ARHGEF18: variants seen among roughly 807,000 people sequenced by gnomAD.
The protein encoded by ARHGEF18 is Rho/Rac guanine nucleotide exchange factor 18, also known as rho guanine nucleotide exchange factor 18.
ARHGEF18 carries 93 observed loss-of-function variants against 155.7 expected under a neutral mutation model. The ratio of observed to expected loss-of-function variants is 0.60; its 90% CI spans 0.50 to 0.71. The LOEUF is 0.71. Among genes scored for constraint, ARHGEF18 ranks in the 30% least tolerant of loss-of-function variants. The pLI, the probability that ARHGEF18 is intolerant of heterozygous loss-of-function variation, is 0.00. For synonymous variants in ARHGEF18, 742 were observed against 753.1 expected, an observed-to-expected ratio of 0.99 and a Z score of 0.24; for missense variants, 1,593 against 1,816.1, an observed-to-expected ratio of 0.88 and a Z score of 2.23.
At chr19:7,381,940 G>A (rs1233047346) in intron 8 of ARHGEF18, among the ~76,000 whole-genome samples, 1 of 152,162 alleles carries the variant, frequency 6.6e-6, no homozygotes, top group East Asian at 1.9e-4. Flanking sequence ...GCACAGACTG[G>A]AGGAATGGCG....
intron 16 of ARHGEF18, among the ~76,000 whole-genome samples, chr19:7,452,704 G>A (rs945250283): frequency 4.0e-5 from 6 of 151,764 alleles, no homozygotes; most frequent in African/African-American, 1.2e-4. Flanking sequence ...GACCTCAGGT[G>A]ATCTGCCCGC....
intron 10 of ARHGEF18, among the ~76,000 whole-genome samples, chr19:7,384,695 T>TAA (rs1568284735): frequency 1.3e-4 from 19 of 148,622 alleles, no homozygotes; most frequent in African/African-American, 4.7e-4. Flanking sequence ...TTGCAAAATT[T>TAA]TTTTTTTTTT....
chr19:7,351,937 C>T (rs949060647), intron 1 of ARHGEF18, among the ~76,000 whole-genome samples: 1 of 151,930 alleles, frequency 6.6e-6, no homozygotes, highest in African/African-American at 2.4e-5. Flanking sequence ...TCAGGTGATC[C>T]ACCTGCCTTG....
chr19:7,424,273 G>A (rs1314135384), intron 10 of ARHGEF18, among the ~76,000 whole-genome samples: 1 of 152,090 alleles, frequency 6.6e-6, no homozygotes, highest in Admixed American at 6.6e-5. Context: ...TGATCCGCCT[G>A]TCTCAGCCTC....
chr19:7,465,408 CTTTTT>C (rs397859513), intron 23 of ARHGEF18, among the ~76,000 whole-genome samples: 1 of 133,970 alleles, frequency 7.5e-6, no homozygotes, highest in Admixed American at 7.6e-5. Flanking sequence ...GGGAGGATCA[CTTTTT>C]TTTTTTTTTT....
At chr19:7,400,598 T>G (rs1971981697) in intron 10 of ARHGEF18, among the ~76,000 whole-genome samples, 2 of 152,122 alleles carry the variant, frequency 1.3e-5, no homozygotes, top group African/African-American at 4.8e-5. Flanking sequence ...TTTGGAAGGC[T>G]GAGGCAGGAG....
In ARHGEF18 at chr19:7,436,358, C is replaced by T. The variant is rs1364351210; in HGVS notation, c.968-3986C>T. ...GTGGCATGATCTCGGCTTACCACAA[C>T]CTCTGCCTCCCAGGCTCCAGCAATT... On this transcript the variant is annotated intron_variant, in intron 10 of 28. Coordinates refer to ENST00000668164, the MANE Select transcript of ARHGEF18 (RefSeq NM_001367823.1). Among the ~76,000 whole-genome samples, 4 of 152,026 alleles carry T rather than the reference C, an allele frequency of 2.6e-5. No homozygotes were observed. The South Asian group carries it at 6.2e-4, about 24-fold the overall frequency.
At position 7,470,655 on chromosome 19, in the gene ARHGEF18, C is replaced by T. The variant is rs958750611; in HGVS notation, c.*357C>T. 1.3e-4 allele frequency: 53 copies of T among 397,786 alleles called. No homozygotes were observed. In the East Asian group the frequency reaches 1.7e-3, roughly 13 times the overall value. 24.6% of individuals were successfully genotyped at this position (397,786 alleles called of 1,614,324 possible). On this transcript the variant is annotated 3_prime_UTR_variant, in exon 29 of 29. Transcript: ENST00000668164. The surrounding 1 kb of genome is among the most constrained non-coding windows in gnomAD (Gnocchi z 5.9). Reference sequence around the variant, plus strand: ...GCTGTTTTTCCGAGGCAGTGAGGAACGGTGCCGGCTCTGCACGGAGCTGAG... The same window carrying T: ...GCTGTTTTTCCGAGGCAGTGAGGAATGGTGCCGGCTCTGCACGGAGCTGAG...
chr19:7,361,920 AGGC>A (rs1969564305), intron 1 of ARHGEF18, among the ~76,000 whole-genome samples: 1 of 151,478 alleles, frequency 6.6e-6, no homozygotes, highest in Admixed American at 6.6e-5. Context: ...TGAACTCGGG[AGGC>A]GGAGGTTGTG....
At chr19:7,423,755 C>T (rs1973496012) in intron 10 of ARHGEF18, among the ~76,000 whole-genome samples, 1 of 151,210 alleles carries the variant, frequency 6.6e-6, no homozygotes, top group African/African-American at 2.4e-5. Flanking sequence ...AACCCGTGTT[C>T]CACCTGATGC....
intron 1 of ARHGEF18, among the ~76,000 whole-genome samples, chr19:7,358,125 C>T (rs1276888972): frequency 1.3e-5 from 2 of 152,024 alleles, no homozygotes; most frequent in African/African-American, 4.8e-5. Flanking sequence ...ATCCAGCCAA[C>T]CAGCCAATCA....
chr19:7,436,197 CTTT>C (rs567879436), intron 10 of ARHGEF18, among the ~76,000 whole-genome samples: 21 of 78,520 alleles, frequency 2.7e-4, no homozygotes, highest in Non-Finnish European at 4.0e-4. Context: ...AGCATTTCTT[CTTT>C]TTTTTTTTTT....
intron 3 of ARHGEF18, among the ~76,000 whole-genome samples, chr19:7,374,863 G>A (rs10404592): frequency 0.2 from 29,964 of 152,036 alleles, 6,750 homozygotes; most frequent in African/African-American, 0.54. Context: ...GTTATGATCA[G>A]AACGGAAATG....
Position 7,378,318 on chromosome 19 carries a change from G to A in ARHGEF18, c.542-76G>A, listed in dbSNP as rs576719318. The A allele has an allele frequency of 2.9e-5, 34 of 1,154,200 alleles. No individual in the cohort carries two copies. In the African/African-American group the frequency reaches 3.7e-4, roughly 12 times the overall value. The allele number at this position is 1,154,200 out of a possible 1,614,324, so 71.5% of individuals were successfully genotyped here. Reference sequence around the variant, plus strand: ...TCTGCAGGGGCCCAGGGTGGCATCCGGGAGGGCTCTGCTGGGCTGGTCCTG... The same window carrying A: ...TCTGCAGGGGCCCAGGGTGGCATCCAGGAGGGCTCTGCTGGGCTGGTCCTG... On this transcript the variant is annotated intron_variant, in intron 5 of 28. Coordinates refer to ENST00000668164, the MANE Select transcript of ARHGEF18 (RefSeq NM_001367823.1).
At chr19:7,369,183 C>T (rs960766099) in intron 2 of ARHGEF18, among the ~76,000 whole-genome samples, 1 of 151,668 alleles carries the variant, frequency 6.6e-6, no homozygotes, top group Non-Finnish European at 1.5e-5. Context: ...CAAAATTAGG[C>T]GGGTGCAGTG....
chr19:7,390,975 G>T (rs1346049384), intron 10 of ARHGEF18, among the ~76,000 whole-genome samples: 7 of 152,192 alleles, frequency 4.6e-5, no homozygotes, highest in Admixed American at 1.3e-4. Context: ...GGGAAGCAGA[G>T]GTTGCAGTGA....
Position 7,463,726 on chromosome 19 carries a change from C to G in ARHGEF18, c.2636-92C>G, listed in dbSNP as rs550201650. ...CGATCACCACCCCAGTGAGTCCCTC[C>G]GTCCACCCGGGTCTCGCTGCCCCAG... On this transcript the variant is annotated intron_variant, in intron 21 of 28. Transcript: ENST00000668164. This position sits in a 1 kb window ranked among gnomAD's most constrained non-coding sequence, Gnocchi z 5.2. 2.1e-6 allele frequency: 3 copies of G among 1,424,556 alleles called. No individual in the cohort carries two copies. Among genetic ancestry groups the G allele is most frequent in the African/African-American group, 2.9e-5 (2 of 69,428 alleles). 88.2% of individuals were successfully genotyped at this position (1,424,556 alleles called of 1,614,324 possible). A position where few individuals can be genotyped will look rare whatever the true frequency, so the allele number is the denominator to read the frequency against.
At chr19:7,458,249 T>A (rs1395519560) in intron 18 of ARHGEF18, among the ~76,000 whole-genome samples, 1 of 141,258 alleles carries the variant, frequency 7.1e-6, no homozygotes, top group Non-Finnish European at 1.5e-5. Context: ...ATTGCACCAC[T>A]GCACTACAGC....
intron 10 of ARHGEF18, among the ~76,000 whole-genome samples, chr19:7,412,076 C>T (rs1434480707): frequency 3.3e-5 from 5 of 151,018 alleles, no homozygotes; most frequent in African/African-American, 4.9e-5. Context: ...CGCTCTGTCA[C>T]GCAGGCTGCA....
Sources: gnomAD v4.1 joint callset for allele counts (sites outside exome capture counted in the v4.1 genomes callset) on GRCh38, gnomAD v4.1.1 for gene constraint, Gnocchi (gnomAD v3.1) non-coding constraint, MANE v1.5 for transcripts, NCBI Gene and HGNC (gene_info 2026-07-23, HGNC 2026-07-21) for gene names.